Variants in CNTNAP5 observed in about 807,000 individuals in gnomAD.
CNTNAP5 encodes the protein contactin associated protein family member 5.
A neutral mutation model predicts 150.2 loss-of-function variants in CNTNAP5; 72 were observed. That is an observed-to-expected ratio of 0.48 (90% CI 0.40 to 0.58). The LOEUF is 0.58. Among genes scored for constraint, CNTNAP5 ranks in the 20% least tolerant of loss-of-function variants. CNTNAP5 has a pLI of 0.00. For missense variants in CNTNAP5, 1,636 were observed against 1,626.2 expected (o/e 1.01, Z -0.10); for synonymous variants, 672 against 619.8 (o/e 1.08, Z -1.25).
At chr2:124,718,252 C>T (rs889982745) in intron 13 of CNTNAP5, among the ~76,000 whole-genome samples, 1 of 152,134 alleles carries the variant, frequency 6.6e-6, no homozygotes, top group Non-Finnish European at 1.5e-5. Flanking sequence ...ATTACCTCCT[C>T]TTTGCTTAAG....
chr2:124,646,210 C>T lies in CNTNAP5; in HGVS notation c.1877-1548C>T, dbSNP rs183046706. Among the ~76,000 whole-genome samples the T allele has an allele frequency of 4.9e-4, 74 of 152,254 alleles. No individual in the cohort carries two copies. In the South Asian group the frequency reaches 8.1e-3, roughly 17 times the overall value. On this transcript the variant is annotated intron_variant, in intron 12 of 23. Coordinates refer to ENST00000682447, the MANE Select transcript of CNTNAP5 (RefSeq NM_001367498.1). Reference sequence around the variant, plus strand: ...GAAACTAAGGTTTGGAAAGATGAAACGACATGTCCCAAGTTGTGTACAGAG... The same window carrying T: ...GAAACTAAGGTTTGGAAAGATGAAATGACATGTCCCAAGTTGTGTACAGAG...
At chr2:124,468,679 C>T (rs1028901002) in intron 6 of CNTNAP5, among the ~76,000 whole-genome samples, 4 of 152,190 alleles carry the variant, frequency 2.6e-5, no homozygotes, top group Non-Finnish European at 5.9e-5. Flanking sequence ...AACCATCGCA[C>T]TTGGCCTAAG....
At chr2:124,330,453 G>T (rs1689322794) in intron 3 of CNTNAP5, among the ~76,000 whole-genome samples, 1 of 152,180 alleles carries the variant, frequency 6.6e-6, no homozygotes, top group African/African-American at 2.4e-5. Flanking sequence ...GGAATGGTGG[G>T]AAGTAATGGA....
chr2:124,414,045 C>G (rs527354297), intron 3 of CNTNAP5, among the ~76,000 whole-genome samples: 5 of 151,062 alleles, frequency 3.3e-5, no homozygotes, highest in South Asian at 2.1e-4. Flanking sequence ...TTTTGGGGTA[C>G]CATTTCCTGA....
chr2:124,451,588 C>T lies in CNTNAP5; in HGVS notation c.918+4651C>T, dbSNP rs980469522. Among the ~76,000 whole-genome samples, 6 of 152,154 alleles carry T rather than the reference C, an allele frequency of 3.9e-5. No homozygotes were observed. In the East Asian group the frequency reaches 9.7e-4, roughly 25 times the overall value. On this transcript the variant is annotated intron_variant, in intron 6 of 23. Coordinates refer to ENST00000682447, the MANE Select transcript of CNTNAP5 (RefSeq NM_001367498.1). ...ACAGGCAAAACAGCGTGTGGAGACTCGCATCGTGAACTTTGGCTCCAGAAC... is the reference window on the plus strand; with the variant it reads ...ACAGGCAAAACAGCGTGTGGAGACTTGCATCGTGAACTTTGGCTCCAGAAC...
chr2:124,089,023 C>T (rs1334808362), intron 1 of CNTNAP5, among the ~76,000 whole-genome samples: 2 of 152,204 alleles, frequency 1.3e-5, no homozygotes, highest in African/African-American at 4.8e-5. Flanking sequence ...GGGCACTTTT[C>T]ATCTACCTCA....
intron 1 of CNTNAP5, among the ~76,000 whole-genome samples, chr2:124,098,517 A>G (rs961720876): frequency 2.0e-5 from 3 of 152,218 alleles, no homozygotes; most frequent in Admixed American, 1.3e-4. Flanking sequence ...TATGGGCTAG[A>G]GATGGTTCTG....
intron 3 of CNTNAP5, among the ~76,000 whole-genome samples, chr2:124,415,834 CA>C (rs1558891791): frequency 6.6e-6 from 1 of 152,006 alleles, no homozygotes; most frequent in African/African-American, 2.4e-5. Flanking sequence ...TATAATGATA[CA>C]TTTTTTGCTA....
chr2:124,710,094 G>T (rs1271876386), intron 13 of CNTNAP5, among the ~76,000 whole-genome samples: 3 of 151,610 alleles, frequency 2.0e-5, no homozygotes, highest in Non-Finnish European at 4.4e-5. Context: ...TTCAGAGTTT[G>T]ACAATGTTGT....
intron 4 of CNTNAP5, among the ~76,000 whole-genome samples, chr2:124,419,140 C>CAAAAAAAAAAAAAAAAAAAAAAAA (rs778863758): frequency 1.0e-4 from 3 of 28,906 alleles, no homozygotes; most frequent in Non-Finnish European, 1.3e-4. Context: ...GACTCCTTCT[C>CAAAAAAAAAAAAAAAAAAAAAAAA]AAAAAAAAAA....
At chr2:124,895,822 G>C (rs965158932) in intron 21 of CNTNAP5, among the ~76,000 whole-genome samples, 2 of 151,526 alleles carry the variant, frequency 1.3e-5, no homozygotes, top group Admixed American at 6.6e-5. Context: ...TGGGAGGAGG[G>C]AGGGGTGCTC....
At chr2:124,404,801 C>T (rs1691527543) in intron 3 of CNTNAP5, among the ~76,000 whole-genome samples, 1 of 152,058 alleles carries the variant, frequency 6.6e-6, no homozygotes, top group Non-Finnish European at 1.5e-5. Flanking sequence ...GCAAATTTCA[C>T]TCTCTCTGTG....
At chr2:124,786,447 GAAA>G (rs1681589798) in intron 17 of CNTNAP5, among the ~76,000 whole-genome samples, 2 of 99,880 alleles carry the variant, frequency 2.0e-5, no homozygotes, top group African/African-American at 9.8e-5. Flanking sequence ...AGGAAGGAAG[GAAA>G]GAAAGAAAGA....
chr2:124,248,445 A>G (rs767610194), intron 3 of CNTNAP5, among the ~76,000 whole-genome samples: 13 of 152,176 alleles, frequency 8.5e-5, no homozygotes, highest in Admixed American at 2.0e-4. Flanking sequence ...GTTCTGTCCT[A>G]AGCTCTTTTG....
Position 124,683,341 on chromosome 2 carries a change from T to G in CNTNAP5, c.2077+35383T>G, listed in dbSNP as rs574784250. ...CAAGCCAGTGGTAAGAATATTTAAG[T>G]GGTTAGGTAAGCAAAGCTGAACTGT... On this transcript the variant is annotated intron_variant, in intron 13 of 23. Transcript: ENST00000682447. Among the ~76,000 whole-genome samples, 59 of 152,320 alleles carry G rather than the reference T, an allele frequency of 3.9e-4. 1 individual carries two copies. Among genetic ancestry groups the G allele is most frequent in the Middle Eastern group, 6.8e-3 (2 of 294 alleles).
rs771667899 is a variant in CNTNAP5 at position 124,772,908 on chromosome 2, G to A, written c.2643G>A (p.Glu881=). 1.1e-5 allele frequency: 18 copies of A among 1,613,634 alleles called. No individual in the cohort carries two copies. The South Asian group carries it at 1.9e-4, about 17-fold the overall frequency. The change falls in exon 17 of 24, where the codon GAG becomes GAA. Residue 881 remains glutamate, a synonymous_variant. Transcript: ENST00000682447. ...ACCAATGGCACTATGTCCGGGCTGA[G>A]AGGAACCTCAAGGAGACCTCCCTGC... ...NDNQWHYVRA[E]RNLKETSLQV...
Position 124,271,368 on chromosome 2 carries a change from G to A in CNTNAP5, c.381+28975G>A, listed in dbSNP as rs141842018. Among the ~76,000 whole-genome samples the A allele has an allele frequency of 1.9e-3, 287 of 152,242 alleles. 2 individuals carry two copies. Among genetic ancestry groups the A allele is most frequent in the African/African-American group, 6.6e-3 (274 of 41,548 alleles). On this transcript the variant is annotated intron_variant, in intron 3 of 23. Coordinates refer to ENST00000682447, the MANE Select transcript of CNTNAP5 (RefSeq NM_001367498.1). ...GCTGACATTCTGGAGGGGCATGTCT[G>A]GGCCAGGAGACTGCAACCGAAGCCC...
chr2:124,810,950 G>T (rs772335216), intron 19 of CNTNAP5, among the ~76,000 whole-genome samples: 1 of 152,130 alleles, frequency 6.6e-6, no homozygotes, highest in African/African-American at 2.4e-5. Context: ...AGAATGTTAA[G>T]AATTTTAAAG....
intron 10 of CNTNAP5, among the ~76,000 whole-genome samples, chr2:124,538,898 C>T (rs983178095): frequency 2.0e-5 from 3 of 152,172 alleles, no homozygotes; most frequent in African/African-American, 4.8e-5. Context: ...TCCAACATCC[C>T]GATAAGAGCC....
Sources: allele counts gnomAD v4.1 joint callset (sites outside exome capture counted in the v4.1 genomes callset), GRCh38; gene constraint gnomAD v4.1.1; transcripts MANE v1.5; gene names NCBI Gene and HGNC (gene_info 2026-07-23, HGNC 2026-07-21).